HEMK2: variants seen among roughly 807,000 people sequenced by gnomAD.
HEMK2 encodes HemK methyltransferase 2, ETF1 glutamine and histone H4 lysine.
At chr21:28,761,154 G>A in the HEMK2 span, among the ~76,000 whole-genome samples, 1 of 152,002 alleles carries the variant, frequency 6.6e-6, no homozygotes, top group Non-Finnish European at 1.5e-5. Flanking sequence ...ATTGACTGAG[G>A]TTTTTTGAAT....
the HEMK2 span, among the ~76,000 whole-genome samples, chr21:28,785,690 T>C: frequency 6.6e-6 from 1 of 152,190 alleles, no homozygotes; most frequent in Non-Finnish European, 1.5e-5. Context: ...ATAAGGGGCA[T>C]TAGAGCAAGT....
At chr21:28,614,120 T>A in the HEMK2 span, among the ~76,000 whole-genome samples, 2 of 152,212 alleles carry the variant, frequency 1.3e-5, no homozygotes, top group Non-Finnish European at 2.9e-5. Flanking sequence ...CCCATCTCCA[T>A]CCAGGAATTG....
the HEMK2 span, among the ~76,000 whole-genome samples, chr21:28,825,207 A>T: frequency 6.6e-6 from 1 of 152,150 alleles, no homozygotes; most frequent in Non-Finnish European, 1.5e-5. Flanking sequence ...TTGAGTGTGT[A>T]TTACAACCCC....
chr21:28,690,954 CCTCT>C, the HEMK2 span, among the ~76,000 whole-genome samples: 6 of 152,204 alleles, frequency 3.9e-5, no homozygotes, highest in South Asian at 1.0e-3. Flanking sequence ...GCTTCTCAGT[CCTCT>C]CTATTTTCTG....
At chr21:28,750,990 G>C in the HEMK2 span, among the ~76,000 whole-genome samples, 1 of 152,096 alleles carries the variant, frequency 6.6e-6, no homozygotes, top group Non-Finnish European at 1.5e-5. Flanking sequence ...CAGCACTTTG[G>C]GAGGCCGAGG....
the HEMK2 span, among the ~76,000 whole-genome samples, chr21:28,665,322 TTATTTA>T: frequency 3.1e-5 from 4 of 130,058 alleles, no homozygotes; most frequent in Admixed American, 2.3e-4. Flanking sequence ...ATTTGAAAAC[TTATTTA>T]TATTTCTTTT....
chr21:28,770,640 CAA>C, the HEMK2 span, among the ~76,000 whole-genome samples: 2 of 151,850 alleles, frequency 1.3e-5, no homozygotes, highest in East Asian at 1.9e-4. Context: ...TTAATTATCT[CAA>C]GAGTGGGCTT....
chr21:28,717,599 C>G, the HEMK2 span, among the ~76,000 whole-genome samples: 1 of 151,074 alleles, frequency 6.6e-6, no homozygotes, highest in Non-Finnish European at 1.5e-5. Flanking sequence ...TCTGCCTCAG[C>G]CTCCCAAGTA....
chr21:28,635,243 C>T, the HEMK2 span, among the ~76,000 whole-genome samples: 7 of 152,062 alleles, frequency 4.6e-5, no homozygotes, highest in South Asian at 2.1e-4. Flanking sequence ...GCTGGCATTA[C>T]GGGTGCCTGC....
At chr21:28,883,151 T>G in the HEMK2 span, 1 of 909,468 alleles carries the variant, frequency 1.1e-6, no homozygotes, top group Non-Finnish European at 1.6e-6. Flanking sequence ...GTGTTATTTC[T>G]AGCATATATA....
At chr21:28,628,026 C>G in the HEMK2 span, among the ~76,000 whole-genome samples, 1 of 152,150 alleles carries the variant, frequency 6.6e-6, no homozygotes, top group Non-Finnish European at 1.5e-5. Context: ...CCCCTATGCT[C>G]TGCCCACTCC....
the HEMK2 span, among the ~76,000 whole-genome samples, chr21:28,590,679 A>G: frequency 6.6e-6 from 1 of 152,230 alleles, no homozygotes. Context: ...CAGCAGGGAA[A>G]TTTATTAACT....
At chr21:28,752,623 G>A in the HEMK2 span, among the ~76,000 whole-genome samples, 6 of 152,148 alleles carry the variant, frequency 3.9e-5, no homozygotes, top group African/African-American at 9.7e-5. Context: ...CACACACAGC[G>A]AACAGAGCCC....
At chr21:28,670,140 G>C in the HEMK2 span, among the ~76,000 whole-genome samples, 1,022 of 152,068 alleles carry the variant, frequency 6.7e-3, 11 homozygotes, top group African/African-American at 0.023. Context: ...AGCAATCCTG[G>C]TGGAAATACT....
the HEMK2 span, among the ~76,000 whole-genome samples, chr21:28,775,780 AT>A: frequency 6.6e-6 from 1 of 152,178 alleles, no homozygotes; most frequent in East Asian, 1.9e-4. Context: ...ATTATAAAAG[AT>A]TAAATAAATG....
At chr21:28,697,891 C>A in the HEMK2 span, among the ~76,000 whole-genome samples, 1 of 149,738 alleles carries the variant, frequency 6.7e-6, no homozygotes, top group Non-Finnish European at 1.5e-5. Context: ...GACTTGTAAA[C>A]AATGGGAATT....
At chr21:28,839,538 T>A in the HEMK2 span, among the ~76,000 whole-genome samples, 1 of 152,100 alleles carries the variant, frequency 6.6e-6, no homozygotes, top group African/African-American at 2.4e-5. Context: ...AGATACAAGA[T>A]TAATGTACAC....
At chr21:28,847,125 AATTTAT>A in the HEMK2 span, among the ~76,000 whole-genome samples, 2 of 152,158 alleles carry the variant, frequency 1.3e-5, no homozygotes, top group African/African-American at 4.8e-5. Context: ...AAGGCTAAAC[AATTTAT>A]ATTACTTTAG....
At chr21:28,777,202 G>A in the HEMK2 span, among the ~76,000 whole-genome samples, 1 of 152,196 alleles carries the variant, frequency 6.6e-6, no homozygotes, top group African/African-American at 2.4e-5. Context: ...CAATGAAGCA[G>A]CAAAGCAATA....
Sources: gnomAD v4.1 joint callset for allele counts (sites outside exome capture counted in the v4.1 genomes callset) on GRCh38, gnomAD v4.1.1 for gene constraint, MANE v1.5 for transcripts, NCBI Gene and HGNC (gene_info 2026-07-23, HGNC 2026-07-21) for gene names.